NDUFC1: variants seen among roughly 807,000 people sequenced by gnomAD.
The protein encoded by NDUFC1 is NADH:ubiquinone oxidoreductase subunit C1, also known as NADH dehydrogenase [ubiquinone] 1 subunit C1, mitochondrial.
Under a neutral mutation model 11.6 loss-of-function variants are expected in NDUFC1, and 11 were observed. The ratio of observed to expected loss-of-function variants is 0.95; its 90% CI spans 0.60 to 1.58. The LOEUF (loss-of-function observed/expected upper bound fraction) is 1.58, where lower values mean the gene tolerates loss of function less well. Among genes scored for constraint, NDUFC1 ranks in the 40% most tolerant of loss-of-function variants. NDUFC1 has a pLI of 0.00. For synonymous variants in NDUFC1, 52 were observed against 42.2 expected, an observed-to-expected ratio of 1.23 and a Z score of -0.90; for missense variants, 112 against 93.0, an observed-to-expected ratio of 1.20 and a Z score of -0.84.
intron 4 of NDUFC1, among the ~76,000 whole-genome samples, chr4:139,293,662 G>A (rs796079719): frequency 1.8e-4 from 27 of 152,248 alleles, no homozygotes; most frequent in African/African-American, 6.3e-4. Flanking sequence ...GGGGACAGTG[G>A]AGGAAGTCCC....
chr4:139,293,930 A>ATTTT (rs775805536), intron 4 of NDUFC1, among the ~76,000 whole-genome samples: 953 of 69,770 alleles, frequency 0.014, 85 homozygotes, highest in Non-Finnish European at 0.016. Context: ...TGTGGTGTGA[A>ATTTT]TTTTTTTTTT....
chr4:139,291,828 T>C (rs918660553), intron 5 of NDUFC1, among the ~76,000 whole-genome samples: 3 of 151,946 alleles, frequency 2.0e-5, no homozygotes, highest in Admixed American at 6.6e-5. Flanking sequence ...AATAATATGA[T>C]TTTGGGTTCA....
At chr4:139,299,596 G>T (rs1745619030) in intron 1 of NDUFC1, among the ~76,000 whole-genome samples, 1 of 152,184 alleles carries the variant, frequency 6.6e-6, no homozygotes, top group Non-Finnish European at 1.5e-5. Flanking sequence ...TTGTGAAATT[G>T]TGGTGATCAG....
At chr4:139,299,325 A>G (rs181161886) in intron 1 of NDUFC1, among the ~76,000 whole-genome samples, 8 of 152,150 alleles carry the variant, frequency 5.3e-5, no homozygotes, top group South Asian at 2.1e-4. Flanking sequence ...GTCTCAATAG[A>G]GAACATCTTA....
At chr4:139,295,982 A>G in intron 2 of NDUFC1, 22 bp from the exon 3 acceptor site, 1 of 555,016 alleles carries the variant, frequency 1.8e-6, no homozygotes, top group Admixed American at 4.1e-5. Flanking sequence ...AATTAGGAAG[A>G]AAATAATTAA....
intron 1 of NDUFC1, among the ~76,000 whole-genome samples, chr4:139,297,675 A>G (rs993717396): frequency 1.3e-5 from 2 of 152,242 alleles, no homozygotes; most frequent in South Asian, 4.1e-4. Context: ...AGGTAAAAAA[A>G]GAGCAAGAAT....
chr4:139,294,046 A>G (rs1191321479), intron 4 of NDUFC1, among the ~76,000 whole-genome samples: 1 of 142,034 alleles, frequency 7.0e-6, no homozygotes, highest in African/African-American at 2.6e-5. Context: ...GGTTCACACC[A>G]TTCTGCTGTC....
At chr4:139,293,863 T>C (rs1745334427) in intron 4 of NDUFC1, among the ~76,000 whole-genome samples, 1 of 150,966 alleles carries the variant, frequency 6.6e-6, no homozygotes, top group Admixed American at 6.6e-5. Context: ...GGGTCAACAA[T>C]AGTAGGTGCC....
chr4:139,301,894 C>T (rs1745773367), intron 1 of NDUFC1: 3 of 1,520,206 alleles, frequency 2.0e-6, no homozygotes, highest in South Asian at 2.4e-5. Flanking sequence ...CCTGTCACCC[C>T]TAACCTCGGC....
At chr4:139,302,011 G>C in intron 1 of NDUFC1, 1 of 577,340 alleles carries the variant, frequency 1.7e-6, no homozygotes, top group Non-Finnish European at 2.9e-6. Context: ...TGGCCCGCGC[G>C]CCAGGGACCA....
intron 1 of NDUFC1, among the ~76,000 whole-genome samples, chr4:139,299,110 C>T (rs1171558046): frequency 1.3e-5 from 2 of 152,048 alleles, no homozygotes; most frequent in Non-Finnish European, 2.9e-5. Flanking sequence ...GCTGGGGTTA[C>T]AGGCACGCAC....
At chr4:139,298,350 A>G (rs1298770286) in intron 1 of NDUFC1, among the ~76,000 whole-genome samples, 1 of 151,698 alleles carries the variant, frequency 6.6e-6, no homozygotes, top group Non-Finnish European at 1.5e-5. Context: ...GAGGCAGGAA[A>G]ATCGCTTGAA....
chr4:139,298,217 A>T (rs1579066586), intron 1 of NDUFC1, among the ~76,000 whole-genome samples: 1 of 151,994 alleles, frequency 6.6e-6, no homozygotes, highest in Non-Finnish European at 1.5e-5. Context: ...AGGCGGGCGG[A>T]TCACCTGAGG....
rs1263206234 is a variant in NDUFC1, at chr4:139,295,767, G to A, written c.32C>T (p.Ser11Phe). Residue 11 changes from serine to phenylalanine, a missense_variant, in exon 3 of 6, where the codon TCC (serine) becomes TTC (phenylalanine). By Grantham distance (155) the Ser-to-Phe change is radical (BLOSUM62 -2). Coordinates refer to ENST00000394223, the MANE Select transcript of NDUFC1 (RefSeq NM_001184989.2). MAPSALLRPL[S>F]RLLAPARLPS... ...GAGCCTGGCGGGGGCCAGCAGCCGG[G>A]AAAGGGGACGCAGCAAGGCGGACGG... The A allele has an allele frequency of 6.4e-7, 1 of 1,552,738 alleles. No individual in the cohort carries two copies. The highest frequency in any genetic ancestry group is 2.0e-5 in the Admixed American group (1 of 49,132).
intron 3 of NDUFC1, 85 bp downstream of exon 3, chr4:139,295,647 T>G: frequency 7.0e-7 from 1 of 1,431,930 alleles, no homozygotes; most frequent in Non-Finnish European, 9.3e-7. Flanking sequence ...CCCGGGCCGC[T>G]GCCGCCTCCT....
At chr4:139,294,665 G>A (rs1713751785) in intron 4 of NDUFC1, among the ~76,000 whole-genome samples, 1 of 151,030 alleles carries the variant, frequency 6.6e-6, no homozygotes, top group Admixed American at 6.6e-5. Flanking sequence ...AACCCGCGAG[G>A]CAGAGCTTTC....
chr4:139,292,483 CAAGTT>C (rs1745269732), intron 5 of NDUFC1, 42 bp downstream of exon 5: 1 of 919,286 alleles, frequency 1.1e-6, no homozygotes, highest in Non-Finnish European at 1.6e-6. Context: ...AAAAAGAGGT[CAAGTT>C]AATTTGCATA....
intron 3 of NDUFC1, 59 bp downstream of exon 3, chr4:139,295,673 G>T: frequency 4.7e-6 from 7 of 1,502,372 alleles, no homozygotes; most frequent in Non-Finnish European, 5.3e-6. Context: ...CGTGGGCTGG[G>T]TCCGCCTTAG....
intron 1 of NDUFC1, among the ~76,000 whole-genome samples, chr4:139,298,876 T>C (rs1745587664): frequency 6.6e-6 from 1 of 152,116 alleles, no homozygotes; most frequent in African/African-American, 2.4e-5. Flanking sequence ...GGTCTCACTA[T>C]GTTGCCCAGG....
Sources: allele counts gnomAD v4.1 joint callset (sites outside exome capture counted in the v4.1 genomes callset), GRCh38; gene constraint gnomAD v4.1.1; transcripts MANE v1.5; gene names NCBI Gene and HGNC (gene_info 2026-07-23, HGNC 2026-07-21).